Variants in LNX1 observed in about 807,000 individuals in gnomAD.
The protein encoded by LNX1 is ligand of numb-protein X 1, also known as E3 ubiquitin-protein ligase LNX.
In LNX1, 54 loss-of-function variants were observed where a neutral mutation model predicts 68.4. That is an observed-to-expected ratio of 0.79 (90% CI 0.63 to 0.99). The LOEUF is 0.99. LNX1 is among the 50% of genes least tolerant of loss of function. The probability of loss-of-function intolerance (pLI) is 0.00; values close to 1 mark genes in which losing one functional copy is unlikely to be tolerated. For synonymous variants in LNX1, 336 were observed against 350.0 expected, an observed-to-expected ratio of 0.96 and a Z score of 0.45; for missense variants, 906 against 926.4, an observed-to-expected ratio of 0.98 and a Z score of 0.29.
intron 2 of LNX1, among the ~76,000 whole-genome samples, chr4:53,571,803 G>A (rs1244386177): frequency 1.3e-5 from 2 of 152,056 alleles, no homozygotes; most frequent in African/African-American, 2.4e-5. Context: ...TAAGACTGCA[G>A]GCAGACATCA....
At chr4:53,571,484 G>T (rs1392856996) in intron 2 of LNX1, among the ~76,000 whole-genome samples, 1 of 152,034 alleles carries the variant, frequency 6.6e-6, no homozygotes, top group Admixed American at 6.6e-5. Context: ...TATGCGGCTG[G>T]CTCTGAAGAT....
At chr4:53,506,692 T>C (rs1560633537) in intron 4 of LNX1, among the ~76,000 whole-genome samples, 1 of 151,238 alleles carries the variant, frequency 6.6e-6, no homozygotes, top group Non-Finnish European at 1.5e-5. Flanking sequence ...CCGTCTCTAC[T>C]AAAAAATACA....
chr4:53,634,035 C>G (rs990448996), intron 1 of LNX1, among the ~76,000 whole-genome samples: 6 of 152,122 alleles, frequency 3.9e-5, no homozygotes, highest in African/African-American at 7.2e-5. Context: ...CACTCTGAAA[C>G]CATTGCAAAT....
chr4:53,645,604 T>C (rs1310617876), intron 1 of LNX1, among the ~76,000 whole-genome samples: 1 of 152,208 alleles, frequency 6.6e-6, no homozygotes, highest in Non-Finnish European at 1.5e-5. Context: ...AGAAAAGAGC[T>C]TTATGGGAGG....
intron 6 of LNX1, among the ~76,000 whole-genome samples, chr4:53,485,431 G>A (rs911046634): frequency 1.1e-4 from 17 of 152,198 alleles, no homozygotes; most frequent in African/African-American, 3.4e-4. Context: ...AATTGCCAAG[G>A]AGAAGCCTGC....
At chr4:53,474,159 G>T (rs1723415335) in intron 9 of LNX1, among the ~76,000 whole-genome samples, 1 of 152,152 alleles carries the variant, frequency 6.6e-6, no homozygotes, top group South Asian at 2.1e-4. Flanking sequence ...GTTCCTAATT[G>T]GCAGTGGATA....
rs528214661 is a variant in LNX1 at position 53,485,472 on chromosome 4, A to G, written c.1351-3618T>C. On this transcript the variant is annotated intron_variant, in intron 6 of 10. Coordinates refer to ENST00000263925, the MANE Select transcript of LNX1 (RefSeq NM_001126328.3). ...CTATTTAATTCACATTTTCAAGGAC[A>G]AATTTCTCACTGGATTTTCAAATGC... 3.8e-4 allele frequency among the ~76,000 whole-genome samples: 58 copies of G among 152,358 alleles called. 1 individual carries two copies. The highest frequency in any genetic ancestry group is 6.8e-3 in the Middle Eastern group (2 of 294).
At chr4:53,599,117 C>A (rs1489860031) in intron 2 of LNX1, among the ~76,000 whole-genome samples, 2 of 152,244 alleles carry the variant, frequency 1.3e-5, no homozygotes, top group Middle Eastern at 3.4e-3. Flanking sequence ...GCATGTGAAC[C>A]AGGGCAATTC....
intron 9 of LNX1, among the ~76,000 whole-genome samples, chr4:53,474,085 A>C (rs1204760100): frequency 6.6e-6 from 1 of 152,238 alleles, no homozygotes; most frequent in Non-Finnish European, 1.5e-5. Flanking sequence ...GAAGTGATAC[A>C]ATAATTTGAT....
At chr4:53,570,983 C>T (rs145730929) in intron 2 of LNX1, among the ~76,000 whole-genome samples, 17,606 of 150,730 alleles carry the variant, frequency 0.12, 1,186 homozygotes, top group East Asian at 0.32. Flanking sequence ...GCAGAGATCG[C>T]GCCACTGCAC....
chr4:53,642,881 G>A (rs536825266), intron 1 of LNX1, among the ~76,000 whole-genome samples: 1 of 152,322 alleles, frequency 6.6e-6, no homozygotes, highest in South Asian at 2.1e-4. Flanking sequence ...TCTGAGGACC[G>A]TTATGGTCGC....
chr4:53,478,562 T>C lies in LNX1; in HGVS notation c.1663+3A>G, dbSNP rs955853131. 1.2e-6 allele frequency: 2 copies of C among 1,603,906 alleles called. No homozygotes were observed. The highest frequency in any genetic ancestry group is 1.7e-4 in the Middle Eastern group (1 of 6,024). On this transcript the variant is annotated splice_donor_region_variant and intron_variant, in intron 8 of 10. Transcript: ENST00000263925. ...GTGCCTTTAAAATCCCTTTACTTTTTACCTGTTTTTATTCTTCCATCTCTG... is the reference window on the plus strand; with the variant it reads ...GTGCCTTTAAAATCCCTTTACTTTTCACCTGTTTTTATTCTTCCATCTCTG...
intron 2 of LNX1, among the ~76,000 whole-genome samples, chr4:53,560,466 C>T (rs1170773934): frequency 6.6e-6 from 1 of 152,150 alleles, no homozygotes; most frequent in Non-Finnish European, 1.5e-5. Flanking sequence ...TATAACAGAA[C>T]CCAGGTTTTA....
In LNX1 at chr4:53,578,001, A is replaced by G. The variant is rs558437457; in HGVS notation, c.-86-3913T>C. On this transcript the variant is annotated intron_variant, in intron 1 of 10. Coordinates refer to ENST00000263925, the MANE Select transcript of LNX1 (RefSeq NM_001126328.3). ...TATATTATAGTATATTATGTTATTC[A>G]ATCCTCACAAATGGCATAGGAAACT... Among the ~76,000 whole-genome samples the G allele has an allele frequency of 2.6e-5, 4 of 152,268 alleles. No homozygotes were observed. The South Asian group carries it at 8.3e-4, about 32-fold the overall frequency.
At chr4:53,481,590 T>C in intron 7 of LNX1, 130 bp downstream of exon 7, 4 of 1,080,716 alleles carry the variant, frequency 3.7e-6, no homozygotes, top group Non-Finnish European at 5.1e-6. Context: ...CTTTGGGCTT[T>C]TAGTTTTACA....
At chr4:53,553,594 G>A (rs557757964) in intron 2 of LNX1, among the ~76,000 whole-genome samples, 1 of 152,186 alleles carries the variant, frequency 6.6e-6, no homozygotes, top group Non-Finnish European at 1.5e-5. Context: ...GATGCTGAAA[G>A]TTATTTTCCC....
intron 4 of LNX1, among the ~76,000 whole-genome samples, chr4:53,504,592 A>AACTT (rs1197781884): frequency 1.3e-5 from 2 of 152,252 alleles, no homozygotes; most frequent in Non-Finnish European, 2.9e-5. Context: ...TTGCATTAAT[A>AACTT]ACTTGGCTGT....
At chr4:53,461,675 C>G in intron 9 of LNX1, 82 bp from the exon 10 acceptor site, 2 of 1,097,884 alleles carry the variant, frequency 1.8e-6, no homozygotes, top group Non-Finnish European at 2.6e-6. Context: ...TCCTCCATTC[C>G]TTTTGTTGGC....
At chr4:53,600,269 T>C (rs1440329249) in intron 2 of LNX1, among the ~76,000 whole-genome samples, 1 of 152,034 alleles carries the variant, frequency 6.6e-6, no homozygotes, top group African/African-American at 2.4e-5. Flanking sequence ...AAATTCATAA[T>C]AACTAGTAAC....
Sources: allele counts gnomAD v4.1 joint callset (sites outside exome capture counted in the v4.1 genomes callset), GRCh38; gene constraint gnomAD v4.1.1; transcripts MANE v1.5; gene names NCBI Gene and HGNC (gene_info 2026-07-23, HGNC 2026-07-21).